Variants in FHIT observed in about 807,000 individuals in gnomAD.
FHIT encodes fragile histidine triad diadenosine triphosphatase.
A neutral mutation model predicts 17.9 loss-of-function variants in FHIT; 19 were observed. That is an observed-to-expected ratio of 1.06 (90% CI 0.74 to 1.56). The LOEUF (loss-of-function observed/expected upper bound fraction) is 1.56, where lower values mean the gene tolerates loss of function less well. Among genes scored for constraint, FHIT ranks in the 40% most tolerant of loss-of-function variants. The pLI, the probability that FHIT is intolerant of heterozygous loss-of-function variation, is 0.00. For missense variants in FHIT, 248 were observed against 189.2 expected (o/e 1.31, Z -1.82); for synonymous variants, 81 against 69.7 (o/e 1.16, Z -0.81).
chr3:60,702,139 T>C (rs9874852), intron 4 of FHIT, among the ~76,000 whole-genome samples: 17,781 of 152,198 alleles, frequency 0.12, 2,305 homozygotes, highest in African/African-American at 0.32. Flanking sequence ...GCTGGGATTA[T>C]AGGCGTGAGC....
intron 2 of FHIT, among the ~76,000 whole-genome samples, chr3:61,110,598 G>A (rs1192578643): frequency 6.6e-6 from 1 of 151,944 alleles, no homozygotes; most frequent in Admixed American, 6.6e-5. Context: ...TTGCATAGGG[G>A]CATGGTCTGT....
chr3:60,587,947 G>A (rs1313019945), intron 4 of FHIT, among the ~76,000 whole-genome samples: 1 of 151,322 alleles, frequency 6.6e-6, no homozygotes, highest in Non-Finnish European at 1.5e-5. Flanking sequence ...ATCATGCAAT[G>A]CCCCTTCTCC....
chr3:60,164,339 G>A (rs1701063607), intron 5 of FHIT, among the ~76,000 whole-genome samples: 1 of 152,168 alleles, frequency 6.6e-6, no homozygotes, highest in African/African-American at 2.4e-5. Flanking sequence ...CTAATTAAAA[G>A]AAGAGGCTGT....
At chr3:60,068,363 G>A (rs905976803) in intron 5 of FHIT, among the ~76,000 whole-genome samples, 5 of 152,226 alleles carry the variant, frequency 3.3e-5, no homozygotes, top group African/African-American at 1.2e-4. Context: ...CACAGTTTAA[G>A]TGGTCTTGAC....
intron 3 of FHIT, among the ~76,000 whole-genome samples, chr3:60,897,272 C>A (rs1223649473): frequency 6.6e-6 from 1 of 152,086 alleles, no homozygotes; most frequent in Non-Finnish European, 1.5e-5. Flanking sequence ...ACTTAAGGAC[C>A]CTTTTTTATC....
chr3:60,834,275 C>A (rs1553743305), intron 3 of FHIT, among the ~76,000 whole-genome samples: 1 of 152,176 alleles, frequency 6.6e-6, no homozygotes, highest in African/African-American at 2.4e-5. Flanking sequence ...TTGTTGTTAT[C>A]ATTATCTTTT....
Position 60,602,831 on chromosome 3 carries a change from TCA to T in FHIT, c.-17-65854_-17-65853del, listed in dbSNP as rs2038489283. 2.6e-5 allele frequency among the ~76,000 whole-genome samples: 4 copies of T among 152,142 alleles called. No homozygotes were observed. In the East Asian group the frequency reaches 5.8e-4, roughly 22 times the overall value. ...GATTAGTGCCTGTATAAAAAAGACCTCAGAGAGCTAGCTAATAGCCCCTTGCA... is the reference window on the plus strand; with the variant it reads ...GATTAGTGCCTGTATAAAAAAGACCTGAGAGCTAGCTAATAGCCCCTTGCA... On this transcript the variant is annotated intron_variant, in intron 4 of 9. Transcript: ENST00000492590.
intron 8 of FHIT, among the ~76,000 whole-genome samples, chr3:59,844,851 T>C (rs1051709562): frequency 6.6e-6 from 1 of 152,158 alleles, no homozygotes; most frequent in Admixed American, 6.6e-5. Context: ...TATTTAATTT[T>C]TTTGAAAAGT....
chr3:60,726,051 C>A (rs576525465), intron 4 of FHIT, among the ~76,000 whole-genome samples: 8 of 152,254 alleles, frequency 5.3e-5, no homozygotes, highest in Non-Finnish European at 1.0e-4. Flanking sequence ...TTCTAACAAA[C>A]AGTAGCTAAG....
intron 4 of FHIT, among the ~76,000 whole-genome samples, chr3:60,622,885 A>G (rs2039173810): frequency 6.6e-6 from 1 of 152,218 alleles, no homozygotes; most frequent in Non-Finnish European, 1.5e-5. Flanking sequence ...CAAAAGAAGC[A>G]TCTCTTCTCC....
At chr3:60,519,901 G>A (rs372903507) in intron 5 of FHIT, among the ~76,000 whole-genome samples, 12 of 152,140 alleles carry the variant, frequency 7.9e-5, no homozygotes, top group African/African-American at 2.7e-4. Flanking sequence ...ATTTACTGGA[G>A]TGACCATCAG....
intron 2 of FHIT, among the ~76,000 whole-genome samples, chr3:61,049,857 C>A (rs1257558568): frequency 6.6e-6 from 1 of 152,136 alleles, no homozygotes; most frequent in African/African-American, 2.4e-5. Flanking sequence ...TGGAGCAGGT[C>A]ATAAGACCAT....
intron 5 of FHIT, among the ~76,000 whole-genome samples, chr3:60,340,702 T>A (rs981517921): frequency 6.6e-6 from 1 of 152,154 alleles, no homozygotes; most frequent in African/African-American, 2.4e-5. Context: ...TCCACTTATA[T>A]GAGGAGGACT....
At position 60,693,830 on chromosome 3, in the gene FHIT, A is replaced by G. The variant is rs376180652; in HGVS notation, c.-18+128089T>C. Among the ~76,000 whole-genome samples the G allele has an allele frequency of 1.8e-4, 28 of 152,322 alleles. 1 individual carries two copies. Among genetic ancestry groups the G allele is most frequent in the African/African-American group, 6.5e-4 (27 of 41,570 alleles). Reference sequence around the variant, plus strand: ...GGCTTCTCACTGGTCCTACTATAAAAATAATTTTATGCTTGCACATTGGAC... The same window carrying G: ...GGCTTCTCACTGGTCCTACTATAAAGATAATTTTATGCTTGCACATTGGAC... On this transcript the variant is annotated intron_variant, in intron 4 of 9. Coordinates refer to ENST00000492590, the MANE Select transcript of FHIT (RefSeq NM_002012.4).
intron 3 of FHIT, among the ~76,000 whole-genome samples, chr3:60,854,692 C>T (rs1055997946): frequency 1.4e-4 from 21 of 151,928 alleles, no homozygotes; most frequent in African/African-American, 1.2e-4. Context: ...AAGAGGATGC[C>T]AGCCAAGTCA....
chr3:59,871,145 T>A (rs1347197854), intron 8 of FHIT, among the ~76,000 whole-genome samples: 3 of 152,198 alleles, frequency 2.0e-5, no homozygotes, highest in African/African-American at 7.2e-5. Context: ...ACATTTTGAA[T>A]GGCCTACTCC....
At chr3:60,690,935 C>T (rs1388228857) in intron 4 of FHIT, among the ~76,000 whole-genome samples, 1 of 151,476 alleles carries the variant, frequency 6.6e-6, no homozygotes, top group Non-Finnish European at 1.5e-5. Flanking sequence ...TATTTTGTAC[C>T]ATATAGTGTG....
chr3:60,492,063 T>C (rs1019854932), intron 5 of FHIT, among the ~76,000 whole-genome samples: 8 of 152,222 alleles, frequency 5.3e-5, no homozygotes, highest in Non-Finnish European at 1.0e-4. Context: ...ATCTCGGACA[T>C]AAATATTCTT....
At chr3:60,320,690 C>T (rs1274536841) in intron 5 of FHIT, among the ~76,000 whole-genome samples, 1 of 151,924 alleles carries the variant, frequency 6.6e-6, no homozygotes, top group Non-Finnish European at 1.5e-5. Context: ...AACATCCAAT[C>T]AAATAAAATG....
Sources: allele counts gnomAD v4.1 joint callset (sites outside exome capture counted in the v4.1 genomes callset), GRCh38; gene constraint gnomAD v4.1.1; transcripts MANE v1.5; gene names NCBI Gene and HGNC (gene_info 2026-07-23, HGNC 2026-07-21).